The following IL1RAPL1 variants were observed in gnomAD, a reference collection of about 807,000 sequenced individuals.
IL1RAPL1 encodes the protein interleukin-1 receptor accessory protein-like 1.
In IL1RAPL1, 3 loss-of-function variants were observed where a neutral mutation model predicts 48.4. That is an observed-to-expected ratio of 0.06 (90% CI 0.03 to 0.16). IL1RAPL1 has a LOEUF of 0.16. IL1RAPL1 is among the 10% of genes least tolerant of loss of function. The pLI, the probability that IL1RAPL1 is intolerant of heterozygous loss-of-function variation, is 1.00. For missense variants in IL1RAPL1, 349 were observed against 530.6 expected (o/e 0.66, Z 3.36); for synonymous variants, 185 against 187.7 (o/e 0.99, Z 0.12).
chrX:29,849,933 C>G (rs1232873545), intron 6 of IL1RAPL1, among the ~76,000 whole-genome samples: 1 of 111,850 alleles, frequency 8.9e-6, no homozygotes, highest in Non-Finnish European at 1.9e-5. Flanking sequence ...AGGGTGTCCT[C>G]AGAGTATTAC....
intron 2 of IL1RAPL1, among the ~76,000 whole-genome samples, chrX:28,928,987 C>T (rs1923816946): frequency 9.0e-6 from 1 of 111,704 alleles, no homozygotes; most frequent in African/African-American, 3.3e-5. Flanking sequence ...ATGGGACTAC[C>T]AAAGTTACTC....
intron 2 of IL1RAPL1, among the ~76,000 whole-genome samples, chrX:29,151,556 T>C (rs1295541776): frequency 9.0e-6 from 1 of 110,962 alleles, no homozygotes; most frequent in Non-Finnish European, 1.9e-5. Context: ...TGAAGTGAGA[T>C]GGGAAAAGGA....
At chrX:29,954,235 CAAAAAAAAAAAAAAAAAAA>C (rs34345826) in intron 9 of IL1RAPL1, among the ~76,000 whole-genome samples, 2 of 30,424 alleles carry the variant, frequency 6.6e-5, no homozygotes, top group East Asian at 2.1e-3. Flanking sequence ...GACTGTGTCC[CAAAAAAAAAAAAAAAAAAA>C]AAAAAAAAAG....
At chrX:29,384,713 T>C (rs1933752601) in intron 3 of IL1RAPL1, among the ~76,000 whole-genome samples, 1 of 112,559 alleles carries the variant, frequency 8.9e-6, no homozygotes, top group African/African-American at 3.2e-5. Flanking sequence ...TCAAAGGACT[T>C]TCAGCTATTT....
rs1927599919 is a variant in IL1RAPL1 at position 29,073,137 on chromosome X, G to A, written c.83-209801G>A. The stretch of plus-strand genomic sequence containing the variant: ...ATATGTATCTCCCTCACCTATATCT[G>A]CCTCCAGTCCTTTTCCTGTGAGCCT... On this transcript the variant is annotated intron_variant, in intron 2 of 10. Coordinates refer to ENST00000378993, the MANE Select transcript of IL1RAPL1 (RefSeq NM_014271.4). 6.3e-5 allele frequency among the ~76,000 whole-genome samples: 7 copies of A among 111,882 alleles called. No individual in the cohort carries two copies. The South Asian group carries it at 2.6e-3, about 42-fold the overall frequency.
At chrX:29,770,452 GTATAAACCTGT>G (rs1377272586) in intron 6 of IL1RAPL1, among the ~76,000 whole-genome samples, 1 of 100,953 alleles carries the variant, frequency 9.9e-6, no homozygotes, top group African/African-American at 3.7e-5. Flanking sequence ...ATTTTTTAAA[GTATAAACCTGT>G]ATAGTAGATA....
intron 5 of IL1RAPL1, among the ~76,000 whole-genome samples, chrX:29,523,975 C>T (rs1204969029): frequency 9.1e-6 from 1 of 110,239 alleles, no homozygotes; most frequent in Non-Finnish European, 1.9e-5. Flanking sequence ...TTTCTTTTTG[C>T]CTTTCCCCTA....
chrX:28,884,798 A>G (rs1171916645), intron 2 of IL1RAPL1, among the ~76,000 whole-genome samples: 3 of 111,642 alleles, frequency 2.7e-5, no homozygotes, highest in Non-Finnish European at 5.7e-5. Context: ...AAAAAATAAA[A>G]TATTTATAGA....
intron 5 of IL1RAPL1, among the ~76,000 whole-genome samples, chrX:29,402,473 C>A (rs1181400663): frequency 8.9e-6 from 1 of 111,941 alleles, no homozygotes; most frequent in East Asian, 2.8e-4. Context: ...GAGTCAAGGG[C>A]AATGTCTTTT....
intron 2 of IL1RAPL1, among the ~76,000 whole-genome samples, chrX:28,948,031 A>C (rs1053698793): frequency 9.0e-6 from 1 of 110,974 alleles, no homozygotes; most frequent in African/African-American, 3.3e-5. Context: ...GCAGGCACTA[A>C]ATAATTAATA....
chrX:29,942,937 C>T (rs1258792699), intron 9 of IL1RAPL1, among the ~76,000 whole-genome samples: 3 of 110,451 alleles, frequency 2.7e-5, no homozygotes, highest in Non-Finnish European at 5.7e-5. Flanking sequence ...TATTTATATA[C>T]TGTTTTTTTT....
At chrX:29,333,134 A>C (rs1293692971) in intron 3 of IL1RAPL1, among the ~76,000 whole-genome samples, 2 of 108,939 alleles carry the variant, frequency 1.8e-5, no homozygotes, top group African/African-American at 6.6e-5. Flanking sequence ...CGCCATTGTC[A>C]TCATGGCCCA....
chrX:29,394,985 T>C (rs1478386509), intron 3 of IL1RAPL1, among the ~76,000 whole-genome samples: 2 of 112,087 alleles, frequency 1.8e-5, no homozygotes, highest in Admixed American at 1.9e-4. Context: ...AAAGCAAGAA[T>C]CTAAATAAGG....
At chrX:28,613,405 C>A (rs1292197866) in intron 1 of IL1RAPL1, among the ~76,000 whole-genome samples, 1 of 112,364 alleles carries the variant, frequency 8.9e-6, no homozygotes. Context: ...ACAGTAATCC[C>A]CTGGTGAGTT....
chrX:28,753,934 G>C (rs926426605), intron 1 of IL1RAPL1, among the ~76,000 whole-genome samples: 1 of 110,812 alleles, frequency 9.0e-6, no homozygotes, highest in Non-Finnish European at 1.9e-5. Flanking sequence ...GAGAGAGAGA[G>C]AGAGAGACAG....
intron 1 of IL1RAPL1, among the ~76,000 whole-genome samples, chrX:28,718,703 AC>A (rs1277274777): frequency 1.8e-5 from 2 of 112,165 alleles, no homozygotes; most frequent in African/African-American, 3.2e-5. Flanking sequence ...TACAAATATT[AC>A]AAATGTAACA....
intron 2 of IL1RAPL1, among the ~76,000 whole-genome samples, chrX:29,128,343 A>G (rs1226453811): frequency 9.0e-6 from 1 of 110,822 alleles, no homozygotes; most frequent in East Asian, 2.8e-4. Flanking sequence ...CTTCTCCTCA[A>G]TTCACACCTC....
intron 2 of IL1RAPL1, among the ~76,000 whole-genome samples, chrX:29,080,994 T>G (rs5943596): frequency 3.8e-5 from 1 of 26,438 alleles, no homozygotes; most frequent in African/African-American, 1.1e-4. Context: ...CTTTCTTTCT[T>G]TCTCTCTCTC....
intron 1 of IL1RAPL1, among the ~76,000 whole-genome samples, chrX:28,701,183 G>A (rs767658233): frequency 1.3e-4 from 14 of 111,461 alleles, no homozygotes; most frequent in Non-Finnish European, 2.5e-4. Flanking sequence ...ATGTAAAAGC[G>A]TTCAACCTCT....
Sources: gnomAD v4.1 joint callset for allele counts (sites outside exome capture counted in the v4.1 genomes callset) on GRCh38, gnomAD v4.1.1 for gene constraint, MANE v1.5 for transcripts, NCBI Gene and HGNC (gene_info 2026-07-23, HGNC 2026-07-21) for gene names.